The following FRY variants were observed in gnomAD, a reference collection of about 807,000 sequenced individuals.
FRY encodes protein furry homolog.
FRY carries 128 observed loss-of-function variants against 348.4 expected under a neutral mutation model. The ratio of observed to expected loss-of-function variants is 0.37; its 90% CI spans 0.32 to 0.43. FRY has a LOEUF of 0.43. FRY is among the 20% of genes least tolerant of loss of function. The probability of loss-of-function intolerance (pLI) is 1.00; values close to 1 mark genes in which losing one functional copy is unlikely to be tolerated. For synonymous variants in FRY, 1,370 were observed against 1,374.7 expected (o/e 1.00, Z 0.08); for missense variants, 2,736 against 3,695.2 (o/e 0.74, Z 6.73).
chr13:32,259,987 G>A (rs75813395), intron 51 of FRY, among the ~76,000 whole-genome samples: 2,802 of 152,216 alleles, frequency 0.018, 86 homozygotes, highest in African/African-American at 0.057. Flanking sequence ...ATGTGAGGAT[G>A]AATAATGATG....
chr13:32,222,524 T>C (rs1216479692), intron 36 of FRY, among the ~76,000 whole-genome samples: 1 of 152,120 alleles, frequency 6.6e-6, no homozygotes, highest in Non-Finnish European at 1.5e-5. Flanking sequence ...AACTGTGCTT[T>C]ATTGAGATGA....
At chr13:32,200,423 G>A (rs186017662) in intron 29 of FRY, among the ~76,000 whole-genome samples, 5 of 152,062 alleles carry the variant, frequency 3.3e-5, no homozygotes, top group East Asian at 1.9e-4. Flanking sequence ...CATATAAACC[G>A]TTTAATAGTT....
chr13:32,249,196 C>G (rs1433850174), intron 48 of FRY, among the ~76,000 whole-genome samples: 1 of 152,130 alleles, frequency 6.6e-6, no homozygotes, highest in Non-Finnish European at 1.5e-5. Flanking sequence ...CTTGTTCTAA[C>G]TATATGAAAT....
At chr13:32,072,516 C>T (rs976686981) in intron 1 of FRY, among the ~76,000 whole-genome samples, 1 of 151,770 alleles carries the variant, frequency 6.6e-6, no homozygotes, top group Non-Finnish European at 1.5e-5. Context: ...GTTTCTTTTT[C>T]TTTTTATCCC....
intron 1 of FRY, among the ~76,000 whole-genome samples, chr13:32,049,654 T>C (rs1332137220): frequency 2.0e-5 from 3 of 152,136 alleles, no homozygotes; most frequent in African/African-American, 7.2e-5. Context: ...ATTCAGGGAC[T>C]CTGCACTGAG....
chr13:32,163,366 T>G (rs1289009457), intron 17 of FRY, among the ~76,000 whole-genome samples: 6 of 152,188 alleles, frequency 3.9e-5, no homozygotes, highest in Admixed American at 3.9e-4. Context: ...CTTTGCCATT[T>G]TACTACCTGC....
intron 40 of FRY, 37 bp from the exon 41 acceptor site, chr13:32,231,142 C>A (rs759116983): frequency 3.1e-6 from 5 of 1,602,732 alleles, no homozygotes; most frequent in Middle Eastern, 1.7e-4. Flanking sequence ...TGCAAAATGA[C>A]AGTTATATTT....
intron 34 of FRY, 85 bp from the exon 35 acceptor site, chr13:32,212,207 C>G: frequency 1.3e-6 from 1 of 767,292 alleles, no homozygotes; most frequent in Non-Finnish European, 2.3e-6. Context: ...TACAGGAAAT[C>G]TTTCCCTGGA....
At chr13:32,054,921 A>G (rs924686800) in intron 1 of FRY, among the ~76,000 whole-genome samples, 7 of 152,164 alleles carry the variant, frequency 4.6e-5, no homozygotes, top group African/African-American at 1.7e-4. Flanking sequence ...ATAAGAAACC[A>G]ATGAAGCACA....
chr13:32,240,843 A>G (rs139629892), intron 46 of FRY, among the ~76,000 whole-genome samples: 13 of 152,214 alleles, frequency 8.5e-5, no homozygotes, highest in South Asian at 2.1e-4. Context: ...CAGATGCCAG[A>G]TAGGTTAAAA....
At position 32,234,441 on chromosome 13, in the gene FRY, T is replaced by A. The variant is rs189101273; in HGVS notation, c.5528-133T>A. The stretch of plus-strand genomic sequence containing the variant: ...CTGTCTCAAAAAGAGAAAAAAAAAA[T>A]GGTTGACTTGTAAATAAGTACCACT... On this transcript the variant is annotated intron_variant, in intron 41 of 60. Transcript: ENST00000542859. The A allele has an allele frequency of 5.0e-3, 3,960 of 792,354 alleles. 25 individuals carry two copies. Among genetic ancestry groups the A allele is most frequent in the South Asian group, 0.022 (1,487 of 69,106 alleles). 49.1% of individuals were successfully genotyped at this position (792,354 alleles called of 1,614,324 possible).
rs527426693 is a variant in FRY, at chr13:32,131,612, C to A, written c.717-60C>A. 3.3e-4 allele frequency: 387 copies of A among 1,175,940 alleles called. 1 individual carries two copies. Among genetic ancestry groups the A allele is most frequent in the Admixed American group, 4.9e-4 (29 of 59,108 alleles). The allele number at this position is 1,175,940 out of a possible 1,614,324, so 72.8% of individuals were successfully genotyped here. A position where few individuals can be genotyped will look rare whatever the true frequency, so the allele number is the denominator to read the frequency against. ...CTCAATCACTCCCAGATGCTGGAGG[C>A]CCCCATTACAGGGACTTTCCTACCC... On this transcript the variant is annotated intron_variant, in intron 7 of 60. Coordinates refer to ENST00000542859, the MANE Select transcript of FRY (RefSeq NM_023037.3).
chr13:32,145,525 T>TG (rs1351930251), intron 11 of FRY, among the ~76,000 whole-genome samples: 27 of 122,890 alleles, frequency 2.2e-4, no homozygotes, highest in African/African-American at 5.7e-4. Context: ...CTGACTGATT[T>TG]GTTTTTTTTT....
chr13:32,259,952 C>T lies in FRY; in HGVS notation c.7417-1664C>T, dbSNP rs182859639. On this transcript the variant is annotated intron_variant, in intron 51 of 60. Transcript: ENST00000542859. The stretch of plus-strand genomic sequence containing the variant: ...TGCATTCTTTTTTATAATCAAACAC[C>T]CCTAAGAGCAATCATAAATATCATA... Among the ~76,000 whole-genome samples the T allele has an allele frequency of 2.1e-3, 321 of 152,134 alleles. 1 individual carries two copies. Among genetic ancestry groups the T allele is most frequent in the African/African-American group, 7.5e-3 (311 of 41,498 alleles).
intron 2 of FRY, among the ~76,000 whole-genome samples, chr13:32,091,393 G>T (rs1876300288): frequency 6.6e-6 from 1 of 152,136 alleles, no homozygotes; most frequent in Admixed American, 6.5e-5. Context: ...GGGGAGTAAT[G>T]GTCAGTATTC....
chr13:32,207,125 C>G lies in FRY; in HGVS notation c.4019-1728C>G, dbSNP rs115445724. 5.2e-3 allele frequency among the ~76,000 whole-genome samples: 795 copies of G among 152,256 alleles called. 7 individuals are homozygous for G. The highest frequency in any genetic ancestry group is 0.019 in the African/African-American group (777 of 41,548). On this transcript the variant is annotated intron_variant, in intron 31 of 60. Transcript: ENST00000542859. Reference sequence around the variant, plus strand: ...TATCTGTCAGACAAAATGCAATTAACATAATAAACAAGCAAATTATGTAAT... The same window carrying G: ...TATCTGTCAGACAAAATGCAATTAAGATAATAAACAAGCAAATTATGTAAT...
chr13:32,043,547 C>G (rs1315517143), intron 1 of FRY, among the ~76,000 whole-genome samples: 1 of 152,142 alleles, frequency 6.6e-6, no homozygotes, highest in Non-Finnish European at 1.5e-5. Context: ...GGATTCCAAC[C>G]TAGACTCTAG....
chr13:32,281,587 G>A (rs1414848388), intron 58 of FRY, among the ~76,000 whole-genome samples: 1 of 152,136 alleles, frequency 6.6e-6, no homozygotes, highest in Non-Finnish European at 1.5e-5. Context: ...CCAAGCTTTG[G>A]CCCCATTGTC....
chr13:32,150,466 A>G (rs1880725167), intron 14 of FRY, among the ~76,000 whole-genome samples: 1 of 152,166 alleles, frequency 6.6e-6, no homozygotes, highest in African/African-American at 2.4e-5. Context: ...AGAACACTGG[A>G]CCAGAAGTCA....
Sources: gnomAD v4.1 joint callset for allele counts (sites outside exome capture counted in the v4.1 genomes callset) on GRCh38, gnomAD v4.1.1 for gene constraint, MANE v1.5 for transcripts, NCBI Gene and HGNC (gene_info 2026-07-23, HGNC 2026-07-21) for gene names.